Variants in DPF3 observed in about 807,000 individuals in gnomAD.
DPF3 encodes the protein double PHD fingers 3, also known as zinc finger protein DPF3.
A neutral mutation model predicts 56.8 loss-of-function variants in DPF3; 18 were observed. That is an observed-to-expected ratio of 0.32 (90% CI 0.22 to 0.47). The LOEUF (loss-of-function observed/expected upper bound fraction) is 0.47, where lower values mean the gene tolerates loss of function less well. DPF3 is among the 20% of genes least tolerant of loss of function. The pLI, the probability that DPF3 is intolerant of heterozygous loss-of-function variation, is 1.00. For synonymous variants in DPF3, 188 were observed against 180.2 expected, an observed-to-expected ratio of 1.04 and a Z score of -0.35; for missense variants, 403 against 488.8, an observed-to-expected ratio of 0.82 and a Z score of 1.65.
At chr14:72,867,211 G>A (rs909912094) in intron 1 of DPF3, among the ~76,000 whole-genome samples, 2 of 152,100 alleles carry the variant, frequency 1.3e-5, no homozygotes, top group African/African-American at 4.8e-5. Context: ...GCCTCCTACA[G>A]CTTCATACTG....
chr14:72,698,678 A>G (rs1470487737), intron 6 of DPF3, among the ~76,000 whole-genome samples: 1 of 152,158 alleles, frequency 6.6e-6, no homozygotes, highest in Non-Finnish European at 1.5e-5. Context: ...CAGAGCAAGA[A>G]AAAACATAAA....
At chr14:72,788,137 A>G (rs1305591598) in intron 1 of DPF3, among the ~76,000 whole-genome samples, 1 of 152,174 alleles carries the variant, frequency 6.6e-6, no homozygotes, top group East Asian at 1.9e-4. Flanking sequence ...GCACTTGGTA[A>G]GTGTTCATTC....
chr14:72,692,650 A>G (rs1887739408), intron 7 of DPF3, among the ~76,000 whole-genome samples: 1 of 152,222 alleles, frequency 6.6e-6, no homozygotes, highest in South Asian at 2.1e-4. Context: ...GCAATAGATA[A>G]GAATATTCTA....
intron 1 of DPF3, among the ~76,000 whole-genome samples, chr14:72,862,786 C>T (rs1273236407): frequency 1.3e-5 from 2 of 152,128 alleles, no homozygotes; most frequent in Non-Finnish European, 2.9e-5. Flanking sequence ...GTCCCAACTC[C>T]CCATTTTAGT....
intron 8 of DPF3, among the ~76,000 whole-genome samples, chr14:72,655,770 G>A (rs1215297693): frequency 1.3e-5 from 2 of 152,160 alleles, no homozygotes; most frequent in African/African-American, 2.4e-5. Context: ...ATACATATCC[G>A]TGAAACTAAT....
intron 7 of DPF3, among the ~76,000 whole-genome samples, chr14:72,677,033 T>C (rs866305584): frequency 6.6e-6 from 1 of 152,190 alleles, no homozygotes; most frequent in Non-Finnish European, 1.5e-5. Flanking sequence ...ATTGAATTCA[T>C]CTGAAAAAGG....
At chr14:72,853,214 G>GT (rs142569602) in intron 1 of DPF3, 41,647 of 148,448 alleles carry the variant, frequency 0.28, 5,878 homozygotes, top group African/African-American at 0.31. Context: ...GCATGTTGTT[G>GT]TTTTTTTTTT....
chr14:72,778,125 A>G (rs1383070364), intron 1 of DPF3, among the ~76,000 whole-genome samples: 1 of 152,166 alleles, frequency 6.6e-6, no homozygotes, highest in South Asian at 2.1e-4. Context: ...TGACCCTGCT[A>G]GCACCCTCAT....
intron 1 of DPF3, among the ~76,000 whole-genome samples, chr14:72,853,747 G>A (rs1275444329): frequency 6.6e-6 from 1 of 152,112 alleles, no homozygotes. Context: ...TTACAGGCAT[G>A]AGCCACCATG....
chr14:72,734,235 GA>G (rs1889794936), intron 3 of DPF3, among the ~76,000 whole-genome samples: 1 of 152,198 alleles, frequency 6.6e-6, no homozygotes, highest in South Asian at 2.1e-4. Context: ...TGTTAGGGAG[GA>G]AAACGACAGA....
At chr14:72,743,650 C>T (rs1332187485) in intron 3 of DPF3, among the ~76,000 whole-genome samples, 2 of 151,846 alleles carry the variant, frequency 1.3e-5, no homozygotes, top group Non-Finnish European at 2.9e-5. Flanking sequence ...AAGTTAAAGG[C>T]CTCTTTTTTA....
In DPF3 at chr14:72,622,664, AC is replaced by A. The variant is rs746826048; in HGVS notation, c.985-2681del. Reference sequence around the variant, plus strand: ...CTAGCACCATATTCTCTTCTCTTCCACCACCAAGAGCCCCCAGCTTATGCTA... The same window carrying A: ...CTAGCACCATATTCTCTTCTCTTCCACACCAAGAGCCCCCAGCTTATGCTA... On this transcript the variant is annotated intron_variant, in intron 9 of 10. Transcript: ENST00000556509. 2.6e-5 allele frequency among the ~76,000 whole-genome samples: 4 copies of A among 152,086 alleles called. No homozygotes were observed. The East Asian group carries it at 5.8e-4, about 22-fold the overall frequency.
intron 8 of DPF3, among the ~76,000 whole-genome samples, chr14:72,653,142 T>C (rs973908925): frequency 2.6e-5 from 4 of 152,240 alleles, no homozygotes; most frequent in African/African-American, 9.6e-5. Context: ...ACCCGGAGTC[T>C]AGTCTAGCCC....
At chr14:72,662,497 T>C (rs1340940849) in intron 8 of DPF3, 1 of 985,024 alleles carries the variant, frequency 1.0e-6, no homozygotes, top group Admixed American at 6.1e-5. Flanking sequence ...TGTTCAGTTA[T>C]TTCTACTGTA....
chr14:72,858,155 C>T (rs958382455), intron 1 of DPF3, among the ~76,000 whole-genome samples: 1 of 151,952 alleles, frequency 6.6e-6, no homozygotes, highest in Middle Eastern at 3.4e-3. Flanking sequence ...AAATATGAAA[C>T]AAATTAGCCA....
chr14:72,803,882 G>A (rs1018077630), intron 1 of DPF3, among the ~76,000 whole-genome samples: 3 of 151,420 alleles, frequency 2.0e-5, no homozygotes, highest in African/African-American at 7.4e-5. Flanking sequence ...GCTAGGCCTG[G>A]ATGGCCTGTG....
intron 6 of DPF3, among the ~76,000 whole-genome samples, chr14:72,700,301 CCCCACA>C (rs1888101790): frequency 6.6e-6 from 1 of 152,166 alleles, no homozygotes; most frequent in Non-Finnish European, 1.5e-5. Flanking sequence ...TTCAGAAAGG[CCCCACA>C]CTTGGTTTAA....
At chr14:72,872,367 C>T (rs1885935092) in intron 1 of DPF3, among the ~76,000 whole-genome samples, 1 of 152,230 alleles carries the variant, frequency 6.6e-6, no homozygotes, top group Non-Finnish European at 1.5e-5. Flanking sequence ...ATTTCTGCAG[C>T]CGACTTGAAT....
intron 1 of DPF3, among the ~76,000 whole-genome samples, chr14:72,814,169 C>A (rs925840569): frequency 6.6e-6 from 1 of 152,122 alleles, no homozygotes; most frequent in Admixed American, 6.5e-5. Context: ...ATGGTGCCCC[C>A]AGAGTGAGGC....
Sources: allele counts gnomAD v4.1 joint callset (sites outside exome capture counted in the v4.1 genomes callset), GRCh38; gene constraint gnomAD v4.1.1; transcripts MANE v1.5; gene names NCBI Gene and HGNC (gene_info 2026-07-23, HGNC 2026-07-21).